TOMM20L: variants seen among roughly 807,000 people sequenced by gnomAD.
The protein encoded by TOMM20L is translocase of outer mitochondrial membrane 20 like.
Under a neutral mutation model 20.4 loss-of-function variants are expected in TOMM20L, and 19 were observed. The observed-to-expected ratio is 0.93, with a 90% CI of 0.65 to 1.36. The LOEUF is 1.36. TOMM20L is among the 40% of genes most tolerant of loss of function. The pLI, the probability that TOMM20L is intolerant of heterozygous loss-of-function variation, is 0.00. For missense variants in TOMM20L, 218 were observed against 203.7 expected (o/e 1.07, Z -0.43); for synonymous variants, 75 against 79.6 (o/e 0.94, Z 0.30).
chr14:58,413,411 C>T (rs972047115), downstream of TOMM20L, among the ~76,000 whole-genome samples: 4 of 152,198 alleles, frequency 2.6e-5, no homozygotes, highest in Non-Finnish European at 5.9e-5. Flanking sequence ...TGACAACCCT[C>T]ATGAAGGATA....
chr14:58,398,508 G>A lies in TOMM20L; in HGVS notation c.180+2167G>A, dbSNP rs528733437. The A allele has an allele frequency of 3.3e-5, 5 of 152,160 alleles. No individual in the cohort carries two copies. The East Asian group carries it at 9.7e-4, about 29-fold the overall frequency. 9.4% of individuals were successfully genotyped at this position (152,160 alleles called of 1,614,324 possible). ...AGTCAGGACATTTTTCTGTTGTGGT[G>A]GATAACTAATGATGGTGACTTTATT... On this transcript the variant is annotated intron_variant, in intron 2 of 4. Transcript: ENST00000360945.
intron 3 of TOMM20L, among the ~76,000 whole-genome samples, chr14:58,406,982 C>G (rs951758165): frequency 6.6e-6 from 1 of 152,102 alleles, no homozygotes; most frequent in Non-Finnish European, 1.5e-5. Context: ...GTAAAGATAA[C>G]CTATCAGATA....
At chr14:58,404,103 A>G (rs190320250) in intron 3 of TOMM20L, among the ~76,000 whole-genome samples, 1,121 of 3,612 alleles carry the variant, frequency 0.31, 260 homozygotes, top group Middle Eastern at 1. Context: ...ATATATGTAT[A>G]TATATATATA....
chr14:58,410,577 A>G (rs970038400), downstream of TOMM20L, among the ~76,000 whole-genome samples: 2 of 152,200 alleles, frequency 1.3e-5, no homozygotes, highest in African/African-American at 2.4e-5. Flanking sequence ...CTAATTAGTA[A>G]GAATCTTTGT....
chr14:58,399,752 G>A (rs2035968302), intron 2 of TOMM20L, among the ~76,000 whole-genome samples: 1 of 151,480 alleles, frequency 6.6e-6, no homozygotes, highest in South Asian at 2.1e-4. Context: ...CCTTGCCACT[G>A]TGCCTACTCC....
chr14:58,414,036 A>AAAAAG, the TOMM20L span, among the ~76,000 whole-genome samples: 10 of 144,192 alleles, frequency 6.9e-5, no homozygotes, highest in South Asian at 6.6e-4. Flanking sequence ...AAAAAAAAAA[A>AAAAAG]GGTTTGTATA....
chr14:58,408,769 C>T (rs374474526), downstream of TOMM20L: 38 of 702,738 alleles, frequency 5.4e-5, no homozygotes, highest in African/African-American at 6.7e-4. Flanking sequence ...GTTTATTTTT[C>T]TAATCAAGTG....
downstream of TOMM20L, chr14:58,410,804 G>A: frequency 7.0e-7 from 1 of 1,427,834 alleles, no homozygotes; most frequent in Non-Finnish European, 9.7e-7. Context: ...GAGTGTTTAT[G>A]AAGGCTTGTA....
rs2035911944 is a variant in TOMM20L, at chr14:58,396,075, A to G, written c.118A>G (p.Lys40Glu). Residue 40 changes from lysine to glutamate, a missense_variant, in exon 1 of 5, where the codon AAG becomes GAG. Physicochemically the swap from Lys to Glu is moderately conservative, Grantham distance 56 (BLOSUM62 1). Transcript: ENST00000360945. Reference sequence around the variant, plus strand: ...GAAGCGGCGCGGGGACCCCGCGTTCAAGCGCCGCCTGCGGGACAGTGAGTG... The same window carrying G: ...GAAGCGGCGCGGGGACCCCGCGTTCGAGCGCCGCCTGCGGGACAGTGAGTG... ...NRKRRGDPAF[K>E]RRLRDKRRAE... 1.4e-6 allele frequency: 2 copies of G among 1,399,062 alleles called. No individual in the cohort carries two copies. The highest frequency in any genetic ancestry group is 1.5e-5 in the African/African-American group (1 of 66,782). 86.7% of individuals were successfully genotyped at this position (1,399,062 alleles called of 1,614,324 possible).
chr14:58,401,691 T>G (rs1399723525), intron 2 of TOMM20L, among the ~76,000 whole-genome samples: 1 of 151,912 alleles, frequency 6.6e-6, no homozygotes, highest in Non-Finnish European at 1.5e-5. Context: ...TAACTGGCAG[T>G]GGAGTTGATA....
the TOMM20L span, among the ~76,000 whole-genome samples, chr14:58,414,699 T>C: frequency 2.8e-5 from 4 of 141,522 alleles, no homozygotes; most frequent in South Asian, 2.2e-4. Flanking sequence ...ATTGCAGCAC[T>C]GTACTCCAGC....
intron 2 of TOMM20L, among the ~76,000 whole-genome samples, chr14:58,400,993 A>G (rs977183184): frequency 1.1e-4 from 16 of 152,218 alleles, no homozygotes; most frequent in African/African-American, 3.9e-4. Flanking sequence ...TCACTGAACC[A>G]CATCTCAAAC....
chr14:58,408,973 T>G, downstream of TOMM20L: 3 of 1,581,760 alleles, frequency 1.9e-6, no homozygotes, highest in Admixed American at 1.9e-5. Context: ...AGATGAGTCC[T>G]CATTTCCAAT....
downstream of TOMM20L, among the ~76,000 whole-genome samples, chr14:58,409,628 G>C (rs1246990465): frequency 6.6e-6 from 1 of 152,070 alleles, no homozygotes; most frequent in Non-Finnish European, 1.5e-5. Context: ...ACCCAGGCTT[G>C]AGTGCAGTGG....
At chr14:58,409,688 C>T (rs1429793912), downstream of TOMM20L, among the ~76,000 whole-genome samples, 1 of 152,078 alleles carries the variant, frequency 6.6e-6, no homozygotes, top group East Asian at 1.9e-4. Context: ...ACGCCATTCT[C>T]CTGCCTCAGC....
Position 58,395,982 on chromosome 14 carries a change from C to G in TOMM20L, c.25C>G (p.Arg9Gly), listed in dbSNP as rs765053736. MPSVRSLL[R>G]LLAAAAACGA... ...GATGCCCTCCGTCCGCTCCCTCCTC[C>G]GCCTCTTGGCCGCCGCGGCGGCCTG... Residue 9 changes from arginine to glycine, a missense_variant, in exon 1 of 5, where the codon CGC becomes GGC. Arg to Gly is a moderately radical substitution (Grantham distance 125, BLOSUM62 -2). Coordinates refer to ENST00000360945, the MANE Select transcript of TOMM20L (RefSeq NM_207377.3). 51 of 1,452,384 alleles carry G rather than the reference C, an allele frequency of 3.5e-5. No individual in the cohort carries two copies. The Middle Eastern group carries it at 9.4e-4, about 27-fold the overall frequency. The allele number at this position is 1,452,384 out of a possible 1,614,324, so 90.0% of individuals were successfully genotyped here.
chr14:58,411,964 T>C (rs1286742029), downstream of TOMM20L: 1 of 1,612,148 alleles, frequency 6.2e-7, no homozygotes, highest in South Asian at 1.1e-5. Context: ...GGTACCTTTA[T>C]TAGTCACCTA....
Position 58,396,110 on chromosome 14 carries a change from C to A in TOMM20L, c.136+17C>A, listed in dbSNP as rs925460149. 2 of 1,315,462 alleles carry A rather than the reference C, an allele frequency of 1.5e-6. No homozygotes were observed. Among genetic ancestry groups the A allele is most frequent in the Non-Finnish European group, 1.9e-6 (2 of 1,031,652 alleles). The allele number at this position is 1,315,462 out of a possible 1,614,324, so 81.5% of individuals were successfully genotyped here. On this transcript the variant is annotated intron_variant, in intron 1 of 4. Transcript: ENST00000360945. The stretch of plus-strand genomic sequence containing the variant: ...TGCGGGACAGTGAGTGGGACCGAGG[C>A]GGAGGCGCGGCCGGGCCGGGCAGCG...
chr14:58,402,951 C>T (rs1435659003), intron 3 of TOMM20L, among the ~76,000 whole-genome samples, 190 bp downstream of exon 3: 2 of 152,204 alleles, frequency 1.3e-5, no homozygotes, highest in Non-Finnish European at 2.9e-5. Context: ...GTGCTCAAGT[C>T]GTAGACTTGG....
Sources: gnomAD v4.1 joint callset for allele counts (sites outside exome capture counted in the v4.1 genomes callset) on GRCh38, gnomAD v4.1.1 for gene constraint, MANE v1.5 for transcripts, NCBI Gene and HGNC (gene_info 2026-07-23, HGNC 2026-07-21) for gene names.